LRBA: variants seen among roughly 807,000 people sequenced by gnomAD.
The protein encoded by LRBA is lipopolysaccharide-responsive and beige-like anchor protein.
LRBA carries 176 observed loss-of-function variants against 330.0 expected under a neutral mutation model. The observed-to-expected ratio is 0.53, with a 90% confidence interval of 0.47 to 0.60. The LOEUF is 0.60. LRBA is among the 20% of genes least tolerant of loss of function. The pLI, the probability that LRBA is intolerant of heterozygous loss-of-function variation, is 0.00. For missense variants in LRBA, 3,259 were observed against 3,444.8 expected, an observed-to-expected ratio of 0.95 and a Z score of 1.35; for synonymous variants, 1,230 against 1,193.0, an observed-to-expected ratio of 1.03 and a Z score of -0.64.
intron 40 of LRBA, among the ~76,000 whole-genome samples, chr4:150,585,974 A>C (rs1465751985): frequency 6.6e-6 from 1 of 152,028 alleles, no homozygotes; most frequent in Non-Finnish European, 1.5e-5. Flanking sequence ...AAAAATATAA[A>C]CTTTGATCCT....
In LRBA at chr4:150,265,589, A is replaced by AATT; in HGVS notation, c.*130_*132dup. The AATT allele has an allele frequency of 3.2e-6, 2 of 616,330 alleles. No individual in the cohort carries two copies. The highest frequency in any genetic ancestry group is 5.2e-5 in the Admixed American group (2 of 38,226). The allele number at this position is 616,330 out of a possible 1,614,324, so 38.2% of individuals were successfully genotyped here. On this transcript the variant is annotated 3_prime_UTR_variant, in exon 57 of 57. Coordinates refer to ENST00000651943, the MANE Select transcript of LRBA (RefSeq NM_001364905.1). ...GTCAAGCAAAGACTACAAAAATAGC[A>AATT]ATTATTAATAACTTTAAAAAATATT...
chr4:150,671,000 A>ATGTGTGTGTGTGTG lies in LRBA; in HGVS notation c.5921+12537_5921+12550dup, dbSNP rs57937053. Among the ~76,000 whole-genome samples, 280 of 106,792 alleles carry ATGTGTGTGTGTGTG rather than the reference A, an allele frequency of 2.6e-3. 1 individual carries two copies. Among genetic ancestry groups the ATGTGTGTGTGTGTG allele is most frequent in the African/African-American group, 4.7e-3 (123 of 25,930 alleles). The allele number at this position is 106,792 out of a possible 152,430, so 70.1% of individuals were successfully genotyped here. ...TTCACTTTGTCCCACAACATAGCTG[A>ATGTGTGTGTGTGTG]TGTGTGTGTGTGTGTGTGTGTGTGT... On this transcript the variant is annotated intron_variant, in intron 37 of 56. Coordinates refer to ENST00000651943, the MANE Select transcript of LRBA (RefSeq NM_001364905.1).
intron 35 of LRBA, among the ~76,000 whole-genome samples, chr4:150,756,582 A>T (rs1466087209): frequency 6.6e-6 from 1 of 152,228 alleles, no homozygotes; most frequent in Non-Finnish European, 1.5e-5. Flanking sequence ...ATTCAATTCA[A>T]TTTCAATTAA....
chr4:150,421,985 C>A (rs186529828), intron 46 of LRBA, among the ~76,000 whole-genome samples: 43 of 152,296 alleles, frequency 2.8e-4, no homozygotes, highest in African/African-American at 1.0e-3. Context: ...TGGCTGGGTG[C>A]ACTGGCTCAC....
In LRBA at chr4:150,799,718, C is replaced by A. The variant is rs960540034; in HGVS notation, c.5519-1576G>T. Among the ~76,000 whole-genome samples, 4 of 152,248 alleles carry A rather than the reference C, an allele frequency of 2.6e-5. No individual in the cohort carries two copies. In the East Asian group the frequency reaches 7.7e-4, roughly 29 times the overall value. ...TATAGGTGCTCCTTTGTCCCTCTTA[C>A]CACACTTATCATATTTCATACATAT... On this transcript the variant is annotated intron_variant, in intron 33 of 56. Transcript: ENST00000651943.
At chr4:150,906,428 T>G (rs780912839) in intron 11 of LRBA, 23 bp from the exon 12 acceptor site, 1 of 1,283,502 alleles carries the variant, frequency 7.8e-7, no homozygotes, top group Non-Finnish European at 1.1e-6. Context: ...AAAAAGGCGA[T>G]GATTAAAAAA....
At chr4:150,584,299 C>A in intron 40 of LRBA, 1 of 542,358 alleles carries the variant, frequency 1.8e-6, no homozygotes, top group African/African-American at 1.9e-5. Flanking sequence ...AAATCACATT[C>A]TTGCACAAAA....
chr4:150,879,032 T>C (rs2127036991), intron 17 of LRBA, among the ~76,000 whole-genome samples: 1 of 151,830 alleles, frequency 6.6e-6, no homozygotes, highest in East Asian at 1.9e-4. Context: ...AAAGCCGGCA[T>C]CACCCTGATA....
intron 53 of LRBA, among the ~76,000 whole-genome samples, chr4:150,287,393 G>C (rs1748269365): frequency 6.6e-6 from 1 of 152,210 alleles, no homozygotes; most frequent in South Asian, 2.1e-4. Flanking sequence ...CTAGGTAGCA[G>C]GGGAGGAAAA....
intron 8 of LRBA, among the ~76,000 whole-genome samples, chr4:150,914,578 C>G (rs980352779): frequency 6.6e-6 from 1 of 151,972 alleles, no homozygotes; most frequent in Non-Finnish European, 1.5e-5. Flanking sequence ...AGATCAAATC[C>G]CTGCATCCTA....
Position 150,817,227 on chromosome 4 carries a change from T to A in LRBA, c.5202A>T (p.Ala1734=). 2 of 1,612,236 alleles carry A rather than the reference T, an allele frequency of 1.2e-6. No homozygotes were observed. Among genetic ancestry groups the A allele is most frequent in the Non-Finnish European group, 1.7e-6 (2 of 1,178,724 alleles). ...RSVIVAAKKS[A]VSPSTFNTSI... ...TTGTATTAAAGGTGGAAGGTGAGAC[T>A]GCTGACTTTTTTGCTGCAACAATGA... The change falls in exon 31 of 57, where the codon GCA becomes GCT. Residue 1734 remains alanine, a synonymous_variant. Transcript: ENST00000651943.
At chr4:150,922,393 G>GGTAT (rs1554000207) in intron 4 of LRBA, among the ~76,000 whole-genome samples, 2 of 36,890 alleles carry the variant, frequency 5.4e-5, no homozygotes, top group Admixed American at 3.6e-4. Context: ...AAGAAACTGT[G>GGTAT]GTATATATAT....
intron 26 of LRBA, among the ~76,000 whole-genome samples, chr4:150,847,875 T>C (rs1750055111): frequency 6.6e-6 from 1 of 152,230 alleles, no homozygotes; most frequent in East Asian, 1.9e-4. Context: ...CATTAACAAA[T>C]TACCACAGCT....
chr4:150,604,297 G>GGGA (rs1450082793), intron 37 of LRBA, among the ~76,000 whole-genome samples: 1 of 151,900 alleles, frequency 6.6e-6, no homozygotes, highest in Non-Finnish European at 1.5e-5. Context: ...CTAGCTTCTT[G>GGGA]GGAGGCTAAG....
At chr4:150,997,019 A>T (rs962957048) in intron 2 of LRBA, among the ~76,000 whole-genome samples, 1 of 152,210 alleles carries the variant, frequency 6.6e-6, no homozygotes, top group African/African-American at 2.4e-5. Context: ...TGGATCATAA[A>T]GCAAAGCATT....
chr4:150,654,579 C>T (rs1779998490), intron 37 of LRBA, among the ~76,000 whole-genome samples: 1 of 152,104 alleles, frequency 6.6e-6, no homozygotes, highest in African/African-American at 2.4e-5. Context: ...TTTTAGGGTA[C>T]ATGGGCACAA....
intron 17 of LRBA, among the ~76,000 whole-genome samples, chr4:150,878,738 T>C (rs575489225): frequency 7.9e-5 from 12 of 151,902 alleles, no homozygotes; most frequent in Middle Eastern, 3.4e-3. Flanking sequence ...AGAAAATCTA[T>C]AGGAAATGGA....
chr4:150,547,997 T>C (rs2152239362), intron 40 of LRBA, among the ~76,000 whole-genome samples: 1 of 152,304 alleles, frequency 6.6e-6, no homozygotes, highest in African/African-American at 2.4e-5. Context: ...GCCTTAAACA[T>C]ATTTATTTAT....
chr4:150,872,021 T>C (rs570126071), intron 18 of LRBA, among the ~76,000 whole-genome samples: 5 of 152,324 alleles, frequency 3.3e-5, no homozygotes, highest in East Asian at 1.9e-4. Context: ...TTAGAATTTG[T>C]GGACCAGGTG....
Sources: gnomAD v4.1 joint callset for allele counts (sites outside exome capture counted in the v4.1 genomes callset) on GRCh38, gnomAD v4.1.1 for gene constraint, MANE v1.5 for transcripts, NCBI Gene and HGNC (gene_info 2026-07-23, HGNC 2026-07-21) for gene names.